CCDC91: variants seen among roughly 807,000 people sequenced by gnomAD.
CCDC91 encodes coiled-coil domain containing 91.
In CCDC91, 48 loss-of-function variants were observed where a neutral mutation model predicts 63.2. The ratio of observed to expected loss-of-function variants is 0.76; its 90% CI spans 0.60 to 0.97. The LOEUF is 0.97. Among genes scored for constraint, CCDC91 ranks in the 50% least tolerant of loss-of-function variants. CCDC91 has a pLI of 0.00. For synonymous variants in CCDC91, 167 were observed against 165.8 expected, an observed-to-expected ratio of 1.01 and a Z score of -0.06; for missense variants, 500 against 494.6, an observed-to-expected ratio of 1.01 and a Z score of -0.10.
chr12:28,471,519 G>A (rs1950811911), intron 11 of CCDC91, among the ~76,000 whole-genome samples: 1 of 152,092 alleles, frequency 6.6e-6, no homozygotes, highest in Non-Finnish European at 1.5e-5. Context: ...TCAAGAATAG[G>A]ACTGAGGGAG....
At chr12:28,381,692 G>A (rs997495677) in intron 7 of CCDC91, among the ~76,000 whole-genome samples, 8 of 152,084 alleles carry the variant, frequency 5.3e-5, no homozygotes, top group African/African-American at 1.9e-4. Context: ...TGTTTTAGTA[G>A]GATATTCATG....
chr12:28,365,445 A>C (rs1944213563), intron 7 of CCDC91, among the ~76,000 whole-genome samples: 1 of 152,194 alleles, frequency 6.6e-6, no homozygotes, highest in Admixed American at 6.5e-5. Flanking sequence ...CAAGAAAAGT[A>C]ATTTTTCATT....
At chr12:28,349,486 G>T (rs1326931314) in intron 6 of CCDC91, among the ~76,000 whole-genome samples, 1 of 152,106 alleles carries the variant, frequency 6.6e-6, no homozygotes, top group Non-Finnish European at 1.5e-5. Context: ...TTTGCACAGG[G>T]CCCTATGCTT....
At chr12:28,515,809 A>G (rs1057334487) in intron 12 of CCDC91, among the ~76,000 whole-genome samples, 1 of 151,868 alleles carries the variant, frequency 6.6e-6, no homozygotes, top group African/African-American at 2.4e-5. Flanking sequence ...AATTTTCATG[A>G]AGGAAGCACA....
chr12:28,353,542 G>A (rs1255563269), intron 6 of CCDC91, among the ~76,000 whole-genome samples: 2 of 152,098 alleles, frequency 1.3e-5, no homozygotes, highest in Admixed American at 1.3e-4. Flanking sequence ...TGAACATTTA[G>A]CTGTTATTAT....
intron 3 of CCDC91, among the ~76,000 whole-genome samples, chr12:28,280,089 T>C (rs1364009565): frequency 6.6e-6 from 1 of 152,138 alleles, no homozygotes; most frequent in Non-Finnish European, 1.5e-5. Context: ...CACTCTGATA[T>C]GAGCAGAGTG....
intron 3 of CCDC91, among the ~76,000 whole-genome samples, chr12:28,259,833 C>T (rs1946712915): frequency 6.6e-6 from 1 of 151,496 alleles, no homozygotes; most frequent in Non-Finnish European, 1.5e-5. Flanking sequence ...AGTGTGTTTG[C>T]AATAAAATTA....
intron 7 of CCDC91, among the ~76,000 whole-genome samples, chr12:28,390,151 G>T (rs1268706629): frequency 6.7e-6 from 1 of 149,356 alleles, no homozygotes; most frequent in South Asian, 2.1e-4. Context: ...AAGAAAGTTA[G>T]TTTGAAAATT....
intron 1 of CCDC91, among the ~76,000 whole-genome samples, chr12:28,250,141 G>C (rs1200073631): frequency 6.6e-6 from 1 of 151,960 alleles, no homozygotes; most frequent in Non-Finnish European, 1.5e-5. Flanking sequence ...AGAGGGTGAG[G>C]GTAGATATAA....
rs1206418744 is a variant in CCDC91 at position 28,253,777 on chromosome 12, C to G, written c.-14-3425C>G. Among the ~76,000 whole-genome samples the G allele has an allele frequency of 2.6e-5, 4 of 152,130 alleles. No individual in the cohort carries two copies. The East Asian group carries it at 7.7e-4, about 29-fold the overall frequency. ...GAATAAAATGTGTGTTTTGATGTGC[C>G]ATTTGACATTTTCTGTCAGATCTGT... is the stretch of plus-strand genomic sequence containing the variant. On this transcript the variant is annotated intron_variant, in intron 1 of 12. Coordinates refer to ENST00000536442, the MANE Select transcript of CCDC91 (RefSeq NM_018318.5).
chr12:28,292,951 G>A (rs1949339447), intron 3 of CCDC91, among the ~76,000 whole-genome samples: 4 of 152,268 alleles, frequency 2.6e-5, no homozygotes, highest in African/African-American at 7.2e-5. Flanking sequence ...AGGATGCTGA[G>A]TCAGCTTCTG....
At chr12:28,441,684 T>A (rs556668052) in intron 8 of CCDC91, among the ~76,000 whole-genome samples, 1 of 135,604 alleles carries the variant, frequency 7.4e-6, no homozygotes, top group Non-Finnish European at 1.5e-5. Flanking sequence ...ATATATCTCA[T>A]GTGTATATAT....
At chr12:28,410,590 C>T (rs975946594) in intron 8 of CCDC91, among the ~76,000 whole-genome samples, 1 of 152,046 alleles carries the variant, frequency 6.6e-6, no homozygotes, top group African/African-American at 2.4e-5. Flanking sequence ...GGCATGATCT[C>T]GGCTCACTGC....
chr12:28,387,020 T>C (rs1393223542), intron 7 of CCDC91, among the ~76,000 whole-genome samples: 1 of 152,172 alleles, frequency 6.6e-6, no homozygotes, highest in African/African-American at 2.4e-5. Flanking sequence ...AAGAAGACAA[T>C]CAGCAAATGT....
At chr12:28,437,431 A>G (rs1948968567) in intron 8 of CCDC91, among the ~76,000 whole-genome samples, 1 of 152,062 alleles carries the variant, frequency 6.6e-6, no homozygotes, top group South Asian at 2.1e-4. Context: ...CCCTGCTTTT[A>G]CAAATAATCC....
At chr12:28,502,497 G>T (rs868081660) in intron 12 of CCDC91, among the ~76,000 whole-genome samples, 2,593 of 150,682 alleles carry the variant, frequency 0.017, 63 homozygotes, top group African/African-American at 0.059. Flanking sequence ...CGTGAAAATG[G>T]CCATACTGCC....
intron 8 of CCDC91, among the ~76,000 whole-genome samples, chr12:28,434,031 C>G (rs1322040244): frequency 1.3e-5 from 2 of 151,782 alleles, no homozygotes; most frequent in Admixed American, 6.6e-5. Flanking sequence ...ATTGACTGTT[C>G]TATATAAATC....
intron 8 of CCDC91, among the ~76,000 whole-genome samples, chr12:28,442,431 T>C (rs1333841378): frequency 6.6e-6 from 1 of 152,034 alleles, no homozygotes; most frequent in African/African-American, 2.4e-5. Flanking sequence ...ACAGTGTCAT[T>C]ATACATAACT....
chr12:28,234,728 T>A (rs1383404486), intron 1 of CCDC91, among the ~76,000 whole-genome samples: 1 of 151,924 alleles, frequency 6.6e-6, no homozygotes, highest in East Asian at 1.9e-4. Flanking sequence ...AAAGAACTTG[T>A]AGCATGGATA....
Sources: allele counts gnomAD v4.1 joint callset (sites outside exome capture counted in the v4.1 genomes callset), GRCh38; gene constraint gnomAD v4.1.1; transcripts MANE v1.5; gene names NCBI Gene and HGNC (gene_info 2026-07-23, HGNC 2026-07-21).